SND1: variants seen among roughly 807,000 people sequenced by gnomAD.
SND1 encodes the protein staphylococcal nuclease and tudor domain containing 1.
A neutral mutation model predicts 121.7 loss-of-function variants in SND1; 38 were observed. That is an observed-to-expected ratio of 0.31 (90% CI 0.24 to 0.41). The LOEUF is 0.41. SND1 is among the 10% of genes least tolerant of loss of function. The pLI is 1.00. For synonymous variants in SND1, 401 were observed against 447.4 expected (o/e 0.90, Z 1.31); for missense variants, 868 against 1,184.6 (o/e 0.73, Z 3.92).
rs117598656 is a variant in SND1, at chr7:127,742,320, A to G, written c.1152+20920A>G. 1.2e-3 allele frequency among the ~76,000 whole-genome samples: 187 copies of G among 152,226 alleles called. 4 individuals carry two copies. In the East Asian group the frequency reaches 0.029, roughly 24 times the overall value. ...CCATTGTGGTGTCACCAAAGGGCAG[A>G]ATTAGTGTCATTTTCAGTAGCTTTG... On this transcript the variant is annotated intron_variant, in intron 10 of 23. Coordinates refer to ENST00000354725, the MANE Select transcript of SND1 (RefSeq NM_014390.4).
intron 10 of SND1, among the ~76,000 whole-genome samples, chr7:127,733,163 G>T (rs1290761067): frequency 6.6e-6 from 1 of 152,114 alleles, no homozygotes; most frequent in Admixed American, 6.5e-5. Flanking sequence ...ATATAAGGGA[G>T]TGAGGAAAGA....
chr7:127,821,717 TAA>T (rs11297859), intron 11 of SND1, among the ~76,000 whole-genome samples: 3,306 of 151,490 alleles, frequency 0.022, 120 homozygotes, highest in African/African-American at 0.074. Flanking sequence ...AAGGATGTGT[TAA>T]AAAAAAAATA....
At chr7:128,077,139 C>T (rs1241129523) in intron 17 of SND1, among the ~76,000 whole-genome samples, 1 of 152,242 alleles carries the variant, frequency 6.6e-6, no homozygotes, top group East Asian at 1.9e-4. Flanking sequence ...GGCTTCCCTG[C>T]TGCAGGCCTA....
intron 10 of SND1, among the ~76,000 whole-genome samples, chr7:127,735,568 C>T (rs972608277): frequency 2.6e-5 from 4 of 151,926 alleles, no homozygotes; most frequent in African/African-American, 9.7e-5. Flanking sequence ...AAAAATATAC[C>T]TTTAATTTAA....
intron 1 of SND1, among the ~76,000 whole-genome samples, chr7:127,657,802 G>A (rs1795237461): frequency 6.6e-6 from 1 of 152,132 alleles, no homozygotes; most frequent in East Asian, 1.9e-4. Flanking sequence ...CTTGGCCTAT[G>A]ATTTATTCTT....
chr7:127,826,824 T>C (rs1798651016), intron 11 of SND1, among the ~76,000 whole-genome samples: 1 of 152,230 alleles, frequency 6.6e-6, no homozygotes, highest in Admixed American at 6.5e-5. Context: ...GTGGATAGTT[T>C]TGGAGAGAGC....
chr7:128,060,075 T>C (rs564538848), intron 16 of SND1, among the ~76,000 whole-genome samples: 3 of 152,284 alleles, frequency 2.0e-5, no homozygotes, highest in African/African-American at 7.2e-5. Flanking sequence ...ACAAAAATAG[T>C]GGGTGTGGGT....
chr7:127,771,193 C>G (rs1352926421), intron 10 of SND1, among the ~76,000 whole-genome samples: 1 of 152,182 alleles, frequency 6.6e-6, no homozygotes, highest in Admixed American at 6.5e-5. Flanking sequence ...TGCCAATTGC[C>G]TTCTGATCAT....
At chr7:127,760,285 G>A (rs1247249078) in intron 10 of SND1, among the ~76,000 whole-genome samples, 1 of 152,206 alleles carries the variant, frequency 6.6e-6, no homozygotes, top group African/African-American at 2.4e-5. Flanking sequence ...TGGGCTAATT[G>A]TGTCGGAAAC....
chr7:127,725,111 G>A (rs922751313), intron 10 of SND1, among the ~76,000 whole-genome samples: 1 of 152,168 alleles, frequency 6.6e-6, no homozygotes, highest in African/African-American at 2.4e-5. Context: ...TTTACAATAT[G>A]GGTGTGGTAA....
intron 5 of SND1, 125 bp downstream of exon 5, chr7:127,701,448 C>T (rs1796099404): frequency 9.9e-7 from 1 of 1,006,648 alleles, no homozygotes; most frequent in South Asian, 1.9e-5. Context: ...CATGGGAAAT[C>T]CTTAAGGTTA....
intron 10 of SND1, among the ~76,000 whole-genome samples, chr7:127,766,576 C>T (rs1213338426): frequency 2.0e-5 from 3 of 151,934 alleles, no homozygotes; most frequent in African/African-American, 4.8e-5. Flanking sequence ...GAGATCAAGA[C>T]CATCCTGGCC....
At chr7:127,901,557 T>C (rs1342418274) in intron 13 of SND1, among the ~76,000 whole-genome samples, 1 of 152,110 alleles carries the variant, frequency 6.6e-6, no homozygotes, top group Admixed American at 6.6e-5. Context: ...TCTGCTCTTT[T>C]CTCACAGATC....
chr7:127,852,444 C>T (rs1157777660), intron 12 of SND1, among the ~76,000 whole-genome samples: 4 of 148,792 alleles, frequency 2.7e-5, no homozygotes, highest in African/African-American at 9.9e-5. Flanking sequence ...GCCAAGATCG[C>T]ACCACTGTAC....
chr7:127,686,493 C>G (rs1202259189), intron 1 of SND1, 120 bp from the exon 2 acceptor site: 1 of 1,042,468 alleles, frequency 9.6e-7, no homozygotes, highest in African/African-American at 1.6e-5. Flanking sequence ...CAACAGATGA[C>G]TTTGCATGCC....
chr7:127,833,614 G>A lies in SND1; in HGVS notation c.1243-10710G>A, dbSNP rs951216892. On this transcript the variant is annotated intron_variant, in intron 11 of 23. Transcript: ENST00000354725. ...GTAGATTCAGGAGTTAGCTGGGTTTGGGTTCAGAGTTGCCTCGCTCCTGCC... is the reference window on the plus strand; with the variant it reads ...GTAGATTCAGGAGTTAGCTGGGTTTAGGTTCAGAGTTGCCTCGCTCCTGCC... 4.6e-5 allele frequency among the ~76,000 whole-genome samples: 7 copies of A among 152,194 alleles called. No individual in the cohort carries two copies. The East Asian group carries it at 1.3e-3, about 29-fold the overall frequency.
chr7:127,826,930 G>A (rs1216753046), intron 11 of SND1, among the ~76,000 whole-genome samples: 2 of 152,250 alleles, frequency 1.3e-5, no homozygotes, highest in East Asian at 3.9e-4. Context: ...TCTTTTAAAG[G>A]GTAGCTTCTA....
chr7:127,812,474 A>G (rs1334125451), intron 11 of SND1, among the ~76,000 whole-genome samples: 1 of 152,240 alleles, frequency 6.6e-6, no homozygotes, highest in Non-Finnish European at 1.5e-5. Context: ...CCTCGATAAC[A>G]TTGCTAAGCC....
chr7:127,882,453 G>T (rs978258072), intron 12 of SND1, among the ~76,000 whole-genome samples: 2 of 149,110 alleles, frequency 1.3e-5, no homozygotes, highest in African/African-American at 5.0e-5. Context: ...GGGGAAGAGA[G>T]GGGAGAGGAG....
Sources: gnomAD v4.1 joint callset for allele counts (sites outside exome capture counted in the v4.1 genomes callset) on GRCh38, gnomAD v4.1.1 for gene constraint, MANE v1.5 for transcripts, NCBI Gene and HGNC (gene_info 2026-07-23, HGNC 2026-07-21) for gene names.